The following UFL1 variants were observed in gnomAD, a reference collection of about 807,000 sequenced individuals.
The protein encoded by UFL1 is UFM1 specific ligase 1.
UFL1 carries 78 observed loss-of-function variants against 99.3 expected under a neutral mutation model. That is an observed-to-expected ratio of 0.79 (90% CI 0.65 to 0.95). The LOEUF (loss-of-function observed/expected upper bound fraction) is 0.95. UFL1 is among the 40% of genes least tolerant of loss of function. UFL1 has a pLI of 0.00. For synonymous variants in UFL1, 335 were observed against 322.2 expected (o/e 1.04, Z -0.42); for missense variants, 936 against 937.0 (o/e 1.00, Z 0.01).
intron 12 of UFL1, among the ~76,000 whole-genome samples, chr6:96,543,460 A>G (rs1769958318): frequency 6.6e-6 from 1 of 151,276 alleles, no homozygotes; most frequent in Non-Finnish European, 1.5e-5. Context: ...TGGATAATCA[A>G]AAAGAGAATT....
intron 12 of UFL1, among the ~76,000 whole-genome samples, chr6:96,543,924 C>T (rs1418398354): frequency 6.6e-6 from 1 of 150,994 alleles, no homozygotes; most frequent in Non-Finnish European, 1.5e-5. Flanking sequence ...AAATTATAAA[C>T]ATTAGTTTTA....
At chr6:96,552,766 A>G in intron 18 of UFL1, 104 bp downstream of exon 18, 1 of 1,051,428 alleles carries the variant, frequency 9.5e-7, no homozygotes, top group Non-Finnish European at 1.3e-6. Context: ...AAAATACATT[A>G]ACATCAAAGC....
At chr6:96,534,048 A>G (rs1315660275) in intron 6 of UFL1, among the ~76,000 whole-genome samples, 2 of 152,034 alleles carry the variant, frequency 1.3e-5, no homozygotes, top group South Asian at 2.1e-4. Flanking sequence ...TGGAATGGCA[A>G]TGTAAACTGA....
intron 5 of UFL1, 78 bp downstream of exon 5, chr6:96,526,513 A>T: frequency 1.8e-6 from 2 of 1,094,768 alleles, no homozygotes; most frequent in Non-Finnish European, 2.7e-6. Context: ...AAGGGGGAAA[A>T]AAAAATGAGA....
In UFL1 at chr6:96,540,603, C is replaced by G; in HGVS notation, c.1227C>G (p.Ser409Arg). ...EDLKQISTLE[S>R]VSTSKKDKKD... is the part of the protein sequence containing the mutation. ...TGAAACAAATCTCCACTTTAGAAAGCGTTAGTACAAGTAAAAAGGATAAAA... is the reference window on the plus strand; with the variant it reads ...TGAAACAAATCTCCACTTTAGAAAGGGTTAGTACAAGTAAAAAGGATAAAA... The change falls in exon 11 of 19, where the codon AGC becomes AGG. Residue 409 changes from serine (S) to arginine (R), a missense_variant. By Grantham distance (110) the Ser-to-Arg change is moderately radical (BLOSUM62 -1). Coordinates refer to ENST00000369278, the MANE Select transcript of UFL1 (RefSeq NM_015323.5). The G allele has an allele frequency of 6.2e-7, 1 of 1,606,306 alleles. No individual in the cohort carries two copies. Among genetic ancestry groups the G allele is most frequent in the Non-Finnish European group, 8.5e-7 (1 of 1,176,118 alleles).
rs1319457965 is a variant in UFL1 at position 96,521,888 on chromosome 6, G to A, written c.15G>A (p.Trp5Ter). The part of the protein sequence containing the change: MADA[W>*]EEIRRLAADF... The stretch of plus-strand genomic sequence containing the variant: ...GTCAGGCCGTGATGGCGGACGCCTG[G>A]GAAGAGATTAGGCGGTTGGCGGCCG... Residue 5 changes from tryptophan to a stop codon, truncating the protein, a stop_gained, in exon 1 of 19, where the codon TGG becomes TGA. Coordinates refer to ENST00000369278, the MANE Select transcript of UFL1 (RefSeq NM_015323.5). LOFTEE classifies it high-confidence loss of function. 1.2e-6 allele frequency: 2 copies of A among 1,612,660 alleles called. No homozygotes were observed. The highest frequency in any genetic ancestry group is 3.3e-5 in the Admixed American group (2 of 59,938).
In UFL1 at chr6:96,549,730, C is replaced by A; in HGVS notation, c.1749C>A (p.Asn583Lys). Residue 583 changes from asparagine (N) to lysine (K), a missense_variant, in exon 15 of 19, where the codon AAC becomes AAA. By Grantham distance (94) the Asn-to-Lys change is moderately conservative. Coordinates refer to ENST00000369278, the MANE Select transcript of UFL1 (RefSeq NM_015323.5). ...LLKSVCTDIT[N>K]LIFNFLASDL... ...AGTCAGTGTGTACTGATATCACTAA[C>A]CTCATTTTCAACTTCTTAGCTTCGG... 1 of 1,612,348 alleles carries A rather than the reference C, an allele frequency of 6.2e-7. No individual in the cohort carries two copies. The highest frequency in any genetic ancestry group is 8.5e-7 in the Non-Finnish European group (1 of 1,178,848).
chr6:96,521,913 G>T lies in UFL1; in HGVS notation c.40G>T (p.Asp14Tyr), dbSNP rs1243361167. 1 of 1,612,486 alleles carries T rather than the reference G, an allele frequency of 6.2e-7. No homozygotes were observed. The highest frequency in any genetic ancestry group is 8.5e-7 in the Non-Finnish European group (1 of 1,179,608). Residue 14 changes from aspartate to tyrosine, a missense_variant, in exon 1 of 19, where the codon GAC (aspartate) becomes TAC (tyrosine). Transcript: ENST00000369278. ...AWEEIRRLAA[D>Y]FQRAQFAEAT... ...GGAAGAGATTAGGCGGTTGGCGGCC[G>T]ACTTCCAGCGGGCGCAGTTCGCCGA...
At chr6:96,551,194 ACTCT>A (rs946191142) in intron 15 of UFL1, among the ~76,000 whole-genome samples, 1 of 151,604 alleles carries the variant, frequency 6.6e-6, no homozygotes, top group Non-Finnish European at 1.5e-5. Flanking sequence ...AAGGTCAACG[ACTCT>A]CTCTAGTCTT....
At position 96,538,757 on chromosome 6, in the gene UFL1, A is replaced by C; in HGVS notation, c.1105A>C (p.Ile369Leu). ...SDTVVVSEKF[I>L]NDCTELFREL... ...CACTGTTGTAGTCAGTGAAAAATTT[A>C]TAAATGACTGTACAGAACTGTTCCG... is the stretch of plus-strand genomic sequence containing the variant. The change falls in exon 10 of 19, where the codon ATA (isoleucine) becomes CTA (leucine). Residue 369 changes from isoleucine to leucine, a missense_variant. By Grantham distance (5) the Ile-to-Leu change is conservative (BLOSUM62 2). Transcript: ENST00000369278. 6.2e-7 allele frequency: 1 copy of C among 1,611,356 alleles called. No homozygotes were observed. Among genetic ancestry groups the C allele is most frequent in the Admixed American group, 1.7e-5 (1 of 59,716 alleles).
At position 96,542,939 on chromosome 6, in the gene UFL1, A is replaced by C. The variant is rs1332057421; in HGVS notation, c.1325A>C (p.Glu442Ala). Residue 442 changes from glutamate (E) to alanine (A), a missense_variant, in exon 12 of 19, where the codon GAG becomes GCG. By Grantham distance (107) the Glu-to-Ala change is moderately radical (BLOSUM62 -1). Coordinates refer to ENST00000369278, the MANE Select transcript of UFL1 (RefSeq NM_015323.5). ...MRGGGGGNAR[E>A]YKIKKVKKKG... is the part of the protein sequence containing the mutation. ...GGAGGAGGTGGGGGCAATGCCAGAG[A>C]GTACAAAATTAAAAAAGTCAAGAAG... 1.2e-6 allele frequency: 2 copies of C among 1,602,066 alleles called. No individual in the cohort carries two copies. The highest frequency in any genetic ancestry group is 2.7e-5 in the African/African-American group (2 of 74,026).
At chr6:96,546,977 C>T (rs1770010071) in intron 12 of UFL1, among the ~76,000 whole-genome samples, 1 of 151,438 alleles carries the variant, frequency 6.6e-6, no homozygotes, top group African/African-American at 2.4e-5. Flanking sequence ...GCACCAAAAC[C>T]AAAAATTGAC....
chr6:96,543,272 A>T (rs112667846), intron 12 of UFL1, among the ~76,000 whole-genome samples: 2 of 151,342 alleles, frequency 1.3e-5, no homozygotes, highest in African/African-American at 4.8e-5. Flanking sequence ...TTCAGTCCAC[A>T]AATCAGTACA....
At chr6:96,537,048 A>G (rs970567268) in intron 8 of UFL1, among the ~76,000 whole-genome samples, 2 of 151,654 alleles carry the variant, frequency 1.3e-5, no homozygotes, top group African/African-American at 4.8e-5. Context: ...ATCCAAGTCA[A>G]ACTGCATAAC....
At chr6:96,522,990 CT>C in intron 1 of UFL1, 155 bp from the exon 2 acceptor site, 1 of 577,246 alleles carries the variant, frequency 1.7e-6, no homozygotes, top group East Asian at 3.4e-5. Context: ...TTTTTTTTAA[CT>C]TATTGAATCA....
intron 6 of UFL1, among the ~76,000 whole-genome samples, chr6:96,532,665 CAT>C (rs954649925): frequency 1.2e-4 from 19 of 152,186 alleles, no homozygotes; most frequent in African/African-American, 4.1e-4. Flanking sequence ...TTTATTTATA[CAT>C]GTCTTCTCCT....
chr6:96,537,178 T>G (rs1001501804), intron 8 of UFL1, among the ~76,000 whole-genome samples, 196 bp from the exon 9 acceptor site: 2 of 151,860 alleles, frequency 1.3e-5, no homozygotes, highest in African/African-American at 4.8e-5. Context: ...CTTTTCAGTT[T>G]CTTCAATTAT....
chr6:96,536,512 A>G (rs1769856681), intron 8 of UFL1, 122 bp downstream of exon 8: 1 of 641,912 alleles, frequency 1.6e-6, no homozygotes. Flanking sequence ...ATAATAATAA[A>G]TAAAAATTTA....
chr6:96,528,659 T>A, intron 6 of UFL1, 27 bp downstream of exon 6: 3 of 1,561,872 alleles, frequency 1.9e-6, no homozygotes, highest in Non-Finnish European at 2.6e-6. Context: ...GTATATATAT[T>A]TGCACATTTC....
Sources: gnomAD v4.1 joint callset for allele counts (sites outside exome capture counted in the v4.1 genomes callset) on GRCh38, gnomAD v4.1.1 for gene constraint, MANE v1.5 for transcripts, NCBI Gene and HGNC (gene_info 2026-07-23, HGNC 2026-07-21) for gene names.